Variants in WDFY1 observed in about 807,000 individuals in gnomAD.
WDFY1 encodes WD repeat and FYVE domain containing 1.
WDFY1 carries 32 observed loss-of-function variants against 56.4 expected under a neutral mutation model. The ratio of observed to expected loss-of-function variants is 0.57; its 90% CI spans 0.43 to 0.76. The LOEUF (loss-of-function observed/expected upper bound fraction) is 0.76. Ranked by LOEUF, WDFY1 falls within the 30% of genes least tolerant of loss-of-function variation. The pLI is 0.00. For missense variants in WDFY1, 480 were observed against 545.7 expected (o/e 0.88, Z 1.20); for synonymous variants, 192 against 197.3 (o/e 0.97, Z 0.23).
chr2:223,930,682 G>T (rs1274810787), intron 1 of WDFY1, among the ~76,000 whole-genome samples: 1 of 152,208 alleles, frequency 6.6e-6, no homozygotes, highest in Non-Finnish European at 1.5e-5. Flanking sequence ...GCTGAATGGG[G>T]TGCTAGTACT....
At chr2:223,902,351 C>T (rs1693520084) in intron 4 of WDFY1, among the ~76,000 whole-genome samples, 1 of 152,128 alleles carries the variant, frequency 6.6e-6, no homozygotes, top group African/African-American at 2.4e-5. Flanking sequence ...TTGTTTGAGG[C>T]CAGGAGTTGG....
chr2:223,932,750 T>C (rs1348860080), intron 1 of WDFY1, among the ~76,000 whole-genome samples: 1 of 152,084 alleles, frequency 6.6e-6, no homozygotes, highest in Non-Finnish European at 1.5e-5. Context: ...AATCTGATTT[T>C]CTGGTCATTC....
intron 5 of WDFY1, among the ~76,000 whole-genome samples, chr2:223,899,756 GA>G (rs1275264989): frequency 1.4e-5 from 2 of 146,290 alleles, no homozygotes; most frequent in African/African-American, 5.0e-5. Flanking sequence ...CTCAAAAAAA[GA>G]AAAAAAAAGG....
rs568480259 is a variant in WDFY1 at position 223,886,130 on chromosome 2, G to A, written c.832-1381C>T. On this transcript the variant is annotated intron_variant, in intron 8 of 11. Coordinates refer to ENST00000233055, the MANE Select transcript of WDFY1 (RefSeq NM_020830.5). The stretch of plus-strand genomic sequence containing the variant: ...AGGCCGAGGCAGATGGATCACCTGA[G>A]GTCAGGAGTTCAAGCCTGGCCAACA... Among the ~76,000 whole-genome samples, 4 of 151,940 alleles carry A rather than the reference G, an allele frequency of 2.6e-5. No individual in the cohort carries two copies. In the South Asian group the frequency reaches 8.3e-4, roughly 32 times the overall value.
chr2:223,884,461 G>C (rs532419420), intron 9 of WDFY1, among the ~76,000 whole-genome samples, 187 bp downstream of exon 9: 44 of 152,246 alleles, frequency 2.9e-4, no homozygotes, highest in South Asian at 1.5e-3. Context: ...GGAAAAGTGA[G>C]GTAACAGTCT....
At chr2:223,926,644 A>ATTG (rs1491558984) in intron 1 of WDFY1, among the ~76,000 whole-genome samples, 8 of 119,280 alleles carry the variant, frequency 6.7e-5, no homozygotes, top group Non-Finnish European at 1.4e-4. Flanking sequence ...ATATATACAA[A>ATTG]TATGTGCGTG....
chr2:223,880,669 T>C (rs184937036), intron 10 of WDFY1, among the ~76,000 whole-genome samples: 1 of 151,538 alleles, frequency 6.6e-6, no homozygotes, highest in Non-Finnish European at 1.5e-5. Flanking sequence ...GCTCCTAAAA[T>C]TGTGGCTATG....
At chr2:223,897,353 T>A (rs1164827798) in intron 6 of WDFY1, among the ~76,000 whole-genome samples, 1 of 4,436 alleles carries the variant, frequency 2.3e-4, no homozygotes, top group Non-Finnish European at 9.1e-4. Context: ...AAATTTCGCA[T>A]ATATATATAT....
chr2:223,884,216 A>G (rs949689726), intron 9 of WDFY1, among the ~76,000 whole-genome samples: 7 of 152,220 alleles, frequency 4.6e-5, no homozygotes, highest in Non-Finnish European at 5.9e-5. Context: ...AATTTAAAAT[A>G]ATCTAAAACT....
At chr2:223,903,325 C>A (rs183341443) in intron 4 of WDFY1, among the ~76,000 whole-genome samples, 1 of 152,072 alleles carries the variant, frequency 6.6e-6, no homozygotes, top group East Asian at 1.9e-4. Flanking sequence ...AGTTCAAGAC[C>A]AGCCTGGCCA....
chr2:223,942,296 T>C (rs948911214), intron 1 of WDFY1, among the ~76,000 whole-genome samples: 8 of 152,004 alleles, frequency 5.3e-5, no homozygotes, highest in Non-Finnish European at 7.4e-5. Context: ...CTTGGCTCAC[T>C]GCAAGCTCTG....
chr2:223,907,892 T>G (rs987774668), intron 3 of WDFY1, among the ~76,000 whole-genome samples: 1 of 151,220 alleles, frequency 6.6e-6, no homozygotes, highest in Admixed American at 6.6e-5. Flanking sequence ...CAGGGTCTTG[T>G]TCTGCCATCC....
intron 10 of WDFY1, among the ~76,000 whole-genome samples, chr2:223,880,678 T>C (rs1455751200): frequency 6.6e-6 from 1 of 151,884 alleles, no homozygotes; most frequent in Non-Finnish European, 1.5e-5. Flanking sequence ...ATTGTGGCTA[T>C]GGTTTTGAAA....
rs1692975410 is a variant in WDFY1 at position 223,876,518 on chromosome 2, A to C, written c.*2153T>G. 1 of 152,356 alleles carries C rather than the reference A, an allele frequency of 6.6e-6. No homozygotes were observed. Among genetic ancestry groups the C allele is most frequent in the South Asian group, 2.1e-4 (1 of 4,832 alleles). The allele number at this position is 152,356 out of a possible 1,614,324, so 9.4% of individuals were successfully genotyped here. On this transcript the variant is annotated 3_prime_UTR_variant, in exon 12 of 12. Transcript: ENST00000233055. ...GGTGGAGAGCAAGCTATATGGAAAC[A>C]TCAGCCTTTCCTTTTCTAAGATACG...
At chr2:223,927,492 T>C (rs1228236421) in intron 1 of WDFY1, among the ~76,000 whole-genome samples, 10 of 152,222 alleles carry the variant, frequency 6.6e-5, no homozygotes. Flanking sequence ...TTTTCTTCTG[T>C]AGCTTCCTCA....
At chr2:223,917,030 T>C (rs934928143) in intron 2 of WDFY1, among the ~76,000 whole-genome samples, 2 of 152,010 alleles carry the variant, frequency 1.3e-5, no homozygotes, top group African/African-American at 4.8e-5. Context: ...GCCAGGCTGG[T>C]CTCGAACTCC....
At chr2:223,896,169 A>AAAAAAAAAAAAAAAAAAAAAAAAAAC in intron 6 of WDFY1, among the ~76,000 whole-genome samples, 1 of 146,342 alleles carries the variant, frequency 6.8e-6, no homozygotes, top group Non-Finnish European at 1.5e-5. Context: ...AAAAAAAAAA[A>AAAAAAAAAAAAAAAAAAAAAAAAAAC]AAAAAAAAAA....
intron 8 of WDFY1, among the ~76,000 whole-genome samples, chr2:223,890,345 G>A (rs942907658): frequency 6.6e-6 from 1 of 152,166 alleles, no homozygotes; most frequent in Non-Finnish European, 1.5e-5. Flanking sequence ...GGTGGCACAT[G>A]TCTGCAGTCC....
At position 223,888,202 on chromosome 2, in the gene WDFY1, T is replaced by C. The variant is rs76191753; in HGVS notation, c.832-3453A>G. 7.2e-3 allele frequency among the ~76,000 whole-genome samples: 1,096 copies of C among 152,204 alleles called. 17 individuals carry two copies. Among genetic ancestry groups the C allele is most frequent in the African/African-American group, 0.025 (1,057 of 41,524 alleles). Reference sequence around the variant, plus strand: ...TCATGCGATCCTCCCTCCTCTCAGCTGCCCTAGTAGTTGGGACTAGAGATA... The same window carrying C: ...TCATGCGATCCTCCCTCCTCTCAGCCGCCCTAGTAGTTGGGACTAGAGATA... On this transcript the variant is annotated intron_variant, in intron 8 of 11. Coordinates refer to ENST00000233055, the MANE Select transcript of WDFY1 (RefSeq NM_020830.5).
Sources: gnomAD v4.1 joint callset for allele counts (sites outside exome capture counted in the v4.1 genomes callset) on GRCh38, gnomAD v4.1.1 for gene constraint, MANE v1.5 for transcripts, NCBI Gene and HGNC (gene_info 2026-07-23, HGNC 2026-07-21) for gene names.